Variants in PDE10A observed in about 807,000 individuals in gnomAD.
PDE10A encodes the protein cAMP and cAMP-inhibited cGMP 3',5'-cyclic phosphodiesterase 10A.
PDE10A carries 39 observed loss-of-function variants against 97.7 expected under a neutral mutation model. That is an observed-to-expected ratio of 0.40 (90% CI 0.31 to 0.52). The LOEUF (loss-of-function observed/expected upper bound fraction) is 0.52, where lower values mean the gene tolerates loss of function less well. PDE10A is among the 20% of genes least tolerant of loss of function. PDE10A has a pLI of 0.56. For synonymous variants in PDE10A, 371 were observed against 376.8 expected (o/e 0.98, Z 0.18); for missense variants, 731 against 1,047.8 (o/e 0.70, Z 4.17).
chr6:165,343,515 A>C lies in PDE10A; in HGVS notation c.2784-13T>G. 1 of 1,555,940 alleles carries C rather than the reference A, an allele frequency of 6.4e-7. No individual in the cohort carries two copies. The highest frequency in any genetic ancestry group is 8.9e-7 in the Non-Finnish European group (1 of 1,127,050). ...AATTACACGGTCTCTAGAACACAAC[A>C]ATATAAGACTGGTCAGCATAGCATT... On this transcript the variant is annotated splice_polypyrimidine_tract_variant and intron_variant, in intron 18 of 21. Coordinates refer to ENST00000539869, the MANE Select transcript of PDE10A (RefSeq NM_001385079.1).
intron 1 of PDE10A, among the ~76,000 whole-genome samples, chr6:165,621,917 T>C (rs549412807): frequency 6.6e-6 from 1 of 152,188 alleles, no homozygotes; most frequent in African/African-American, 2.4e-5. Context: ...TGAGGCCCAG[T>C]TGTTTGGCCG....
At chr6:165,719,926 A>T (rs1792123657) in intron 1 of PDE10A, among the ~76,000 whole-genome samples, 1 of 152,206 alleles carries the variant, frequency 6.6e-6, no homozygotes, top group African/African-American at 2.4e-5. Flanking sequence ...CAAATAACTA[A>T]CACCACAGCT....
At chr6:165,516,927 G>T (rs1781845172) in intron 2 of PDE10A, among the ~76,000 whole-genome samples, 1 of 152,016 alleles carries the variant, frequency 6.6e-6, no homozygotes, top group African/African-American at 2.4e-5. Flanking sequence ...TTACTCTAAA[G>T]AATACAGCTT....
At chr6:165,856,043 T>G (rs1780724146) in intron 1 of PDE10A, among the ~76,000 whole-genome samples, 5 of 152,166 alleles carry the variant, frequency 3.3e-5, no homozygotes, top group Admixed American at 3.3e-4. Flanking sequence ...GGGCCAGGAC[T>G]CAGCCTTGAA....
At chr6:165,706,592 A>T (rs1173164914) in intron 1 of PDE10A, among the ~76,000 whole-genome samples, 1 of 152,174 alleles carries the variant, frequency 6.6e-6, no homozygotes, top group East Asian at 1.9e-4. Context: ...CAGTGTTAAC[A>T]TTTTCTCCTC....
chr6:165,432,847 A>G, intron 7 of PDE10A, 127 bp downstream of exon 7: 1 of 691,962 alleles, frequency 1.4e-6, no homozygotes, highest in South Asian at 2.2e-5. Context: ...AACACTGTTA[A>G]GCAAATTGTG....
At chr6:165,449,287 A>G (rs1370466221) in intron 4 of PDE10A, among the ~76,000 whole-genome samples, 1 of 152,240 alleles carries the variant, frequency 6.6e-6, no homozygotes. Flanking sequence ...TTTAAATTTG[A>G]GAATTGTGTT....
chr6:165,367,805 A>AG (rs1196050162), intron 18 of PDE10A, among the ~76,000 whole-genome samples: 1 of 151,562 alleles, frequency 6.6e-6, no homozygotes, highest in Admixed American at 6.6e-5. Flanking sequence ...AGATTAAAAA[A>AG]AAACAAAAAC....
At chr6:165,731,932 T>C (rs1197914909) in intron 1 of PDE10A, among the ~76,000 whole-genome samples, 1 of 152,212 alleles carries the variant, frequency 6.6e-6, no homozygotes, top group African/African-American at 2.4e-5. Context: ...TCCCTTTTTG[T>C]GAAACTCACA....
chr6:165,513,297 C>T (rs879261350), intron 2 of PDE10A, among the ~76,000 whole-genome samples: 10 of 152,010 alleles, frequency 6.6e-5, no homozygotes, highest in Admixed American at 6.6e-4. Flanking sequence ...TACCAACTAT[C>T]CTTTCCAAAA....
At chr6:165,837,659 GTTT>G (rs386409265) in intron 1 of PDE10A, among the ~76,000 whole-genome samples, 153 of 83,498 alleles carry the variant, frequency 1.8e-3, no homozygotes, top group South Asian at 5.5e-3. Flanking sequence ...ATCTCTCCTG[GTTT>G]TTTTTTTTTT....
intron 21 of PDE10A, among the ~76,000 whole-genome samples, chr6:165,333,566 A>C (rs933722968): frequency 6.6e-6 from 1 of 152,162 alleles, no homozygotes; most frequent in Non-Finnish European, 1.5e-5. Flanking sequence ...AGGAGGCCTA[A>C]ACCTCATCAT....
chr6:165,692,867 C>A (rs1344305025), intron 1 of PDE10A, among the ~76,000 whole-genome samples: 1 of 152,134 alleles, frequency 6.6e-6, no homozygotes, highest in Admixed American at 6.5e-5. Flanking sequence ...ACAGGAGAAG[C>A]GGAATACTGC....
At chr6:165,599,551 G>A (rs2128393769) in intron 1 of PDE10A, among the ~76,000 whole-genome samples, 1 of 152,282 alleles carries the variant, frequency 6.6e-6, no homozygotes, top group East Asian at 1.9e-4. Flanking sequence ...GGACAATTAG[G>A]AAAATATAAG....
intron 1 of PDE10A, among the ~76,000 whole-genome samples, chr6:165,732,226 C>A (rs1372247962): frequency 6.6e-6 from 1 of 152,224 alleles, no homozygotes; most frequent in Admixed American, 6.5e-5. Flanking sequence ...CTTTTCCACA[C>A]AGGATTTTTA....
At position 165,679,844 on chromosome 6, in the gene PDE10A, C is replaced by G. The variant is rs573166713; in HGVS notation, c.-614-136276G>C. ...TGGAATAGTCTTTATCTTATGGTCA[C>G]CATGGATACTGTGGGTCCCCATGGT... On this transcript the variant is annotated intron_variant, in intron 1 of 19. Coordinates refer to the PDE10A transcript ENST00000366882. Among the ~76,000 whole-genome samples the G allele has an allele frequency of 3.9e-5, 6 of 152,110 alleles. No homozygotes were observed. In the South Asian group the frequency reaches 1.2e-3, roughly 32 times the overall value.
chr6:165,643,174 G>A (rs529365593), intron 1 of PDE10A, among the ~76,000 whole-genome samples: 46 of 152,224 alleles, frequency 3.0e-4, no homozygotes, highest in African/African-American at 1.1e-3. Context: ...ACGGATGGTG[G>A]GTAGATGTAT....
intron 1 of PDE10A, among the ~76,000 whole-genome samples, chr6:165,883,399 C>T (rs1257123166): frequency 6.6e-6 from 1 of 151,480 alleles, no homozygotes; most frequent in Non-Finnish European, 1.5e-5. Context: ...AAAAATGGCC[C>T]AGAATGGTGA....
intron 2 of PDE10A, among the ~76,000 whole-genome samples, chr6:165,517,834 G>C (rs952854036): frequency 6.6e-6 from 1 of 152,166 alleles, no homozygotes; most frequent in Non-Finnish European, 1.5e-5. Context: ...AACTATACAC[G>C]AGAAAAATAC....
Sources: allele counts gnomAD v4.1 joint callset (sites outside exome capture counted in the v4.1 genomes callset), GRCh38; gene constraint gnomAD v4.1.1; transcripts MANE v1.5; gene names NCBI Gene and HGNC (gene_info 2026-07-23, HGNC 2026-07-21).